AIF1L: variants seen among roughly 807,000 people sequenced by gnomAD.
The protein encoded by AIF1L is allograft inflammatory factor 1 like.
AIF1L carries 12 observed loss-of-function variants against 20.7 expected under a neutral mutation model. The observed-to-expected ratio is 0.58, with a 90% confidence interval of 0.37 to 0.94. The LOEUF (loss-of-function observed/expected upper bound fraction) is 0.94, where lower values mean the gene tolerates loss of function less well. Ranked by LOEUF, AIF1L falls within the 40% of genes least tolerant of loss-of-function variation. The pLI is 0.01. For missense variants in AIF1L, 173 were observed against 185.3 expected (o/e 0.93, Z 0.39); for synonymous variants, 76 against 65.1 (o/e 1.17, Z -0.81).
Position 131,120,510 on chromosome 9 carries a change from G to T in AIF1L, c.*188G>T. 1 of 538,392 alleles carries T rather than the reference G, an allele frequency of 1.9e-6. No individual in the cohort carries two copies. The highest frequency in any genetic ancestry group is 3.3e-5 in the East Asian group (1 of 30,468). The allele number at this position is 538,392 out of a possible 1,614,324, so 33.4% of individuals were successfully genotyped here. On this transcript the variant is annotated 3_prime_UTR_variant, in exon 6 of 6. Coordinates refer to ENST00000247291, the MANE Select transcript of AIF1L (RefSeq NM_031426.4). ...AAGGGGCTCTGGGTCGGGGAATCCT[G>T]AGCCTTGGGTCCCCTCCCTCTCTTC...
chr9:131,097,230 A>G (rs1040978076), intron 2 of AIF1L, among the ~76,000 whole-genome samples: 1 of 152,132 alleles, frequency 6.6e-6, no homozygotes, highest in African/African-American at 2.4e-5. Flanking sequence ...AGCTCAGAAC[A>G]CAGGCTCCGG....
chr9:131,106,843 G>A (rs1482426248), intron 2 of AIF1L, among the ~76,000 whole-genome samples: 2 of 150,904 alleles, frequency 1.3e-5, no homozygotes, highest in East Asian at 3.9e-4. Context: ...CGCCTGTGAT[G>A]CCAGGAATTT....
chr9:131,114,937 T>A (rs1830975063), intron 4 of AIF1L, among the ~76,000 whole-genome samples: 1 of 152,186 alleles, frequency 6.6e-6, no homozygotes, highest in South Asian at 2.1e-4. Flanking sequence ...GCCTCCTGGC[T>A]GGCATTTCAG....
rs1830540363 is a variant in AIF1L at position 131,096,872 on chromosome 9, C to T, written c.93+9C>T. On this transcript the variant is annotated intron_variant, in intron 2 of 5. Coordinates refer to ENST00000247291, the MANE Select transcript of AIF1L (RefSeq NM_031426.4). ...TGGCCGAGATCAACCGGGTAAGCCC[C>T]GCGCCCAGGGCAGCACGCGAGTCCC... 5 of 1,532,178 alleles carry T rather than the reference C, an allele frequency of 3.3e-6. No homozygotes were observed. The highest frequency in any genetic ancestry group is 1.2e-5 in the South Asian group (1 of 82,334). The allele number at this position is 1,532,178 out of a possible 1,614,324, so 94.9% of individuals were successfully genotyped here. A position where few individuals can be genotyped will look rare whatever the true frequency, so the allele number is the denominator to read the frequency against.
intron 3 of AIF1L, among the ~76,000 whole-genome samples, chr9:131,113,060 C>A (rs10123578): frequency 0.05 from 7,586 of 152,136 alleles, 618 homozygotes; most frequent in African/African-American, 0.17. Context: ...CCTGTGTTCT[C>A]GCTCGGGGGG....
In AIF1L at chr9:131,120,439, TTG is replaced by T; in HGVS notation, c.*121_*122del. The T allele has an allele frequency of 1.1e-6, 1 of 887,654 alleles. No individual in the cohort carries two copies. Among genetic ancestry groups the T allele is most frequent in the Non-Finnish European group, 1.7e-6 (1 of 592,116 alleles). The allele number at this position is 887,654 out of a possible 1,614,324, so 55.0% of individuals were successfully genotyped here. On this transcript the variant is annotated 3_prime_UTR_variant, in exon 6 of 6. Coordinates refer to ENST00000247291, the MANE Select transcript of AIF1L (RefSeq NM_031426.4). ...ATTTGTTTGGTCATTGAGGGTTTGT[TTG>T]TGTTTTCATCAATGTCTTTGTAAAG...
chr9:131,119,879 C>T (rs986574920), intron 5 of AIF1L, among the ~76,000 whole-genome samples: 6 of 152,188 alleles, frequency 3.9e-5, no homozygotes, highest in African/African-American at 1.2e-4. Flanking sequence ...AAGATCTTTG[C>T]GCAGAGGCGT....
Position 131,117,937 on chromosome 9 carries a change from C to T in AIF1L, c.365+19C>T, listed in dbSNP as rs1378832139. The T allele has an allele frequency of 2.5e-6, 4 of 1,591,548 alleles. No individual in the cohort carries two copies. In the South Asian group the frequency reaches 3.4e-5, roughly 14 times the overall value. Reference sequence around the variant, plus strand: ...TCAAGTTGTGAGTACCTCCTTCCTCCCTTGGGATCTCTGAAGGCAAAATCA... The same window carrying T: ...TCAAGTTGTGAGTACCTCCTTCCTCTCTTGGGATCTCTGAAGGCAAAATCA... On this transcript the variant is annotated intron_variant, in intron 5 of 5. Coordinates refer to ENST00000247291, the MANE Select transcript of AIF1L (RefSeq NM_031426.4).
rs963535693 is a variant in AIF1L, at chr9:131,120,543, C to T, written c.*221C>T. 6.1e-6 allele frequency: 3 copies of T among 494,752 alleles called. No homozygotes were observed. The highest frequency in any genetic ancestry group is 4.0e-5 in the African/African-American group (2 of 50,582). The allele number at this position is 494,752 out of a possible 1,614,324, so 30.6% of individuals were successfully genotyped here. A position where few individuals can be genotyped will look rare whatever the true frequency, so the allele number is the denominator to read the frequency against. On this transcript the variant is annotated 3_prime_UTR_variant, in exon 6 of 6. Coordinates refer to ENST00000247291, the MANE Select transcript of AIF1L (RefSeq NM_031426.4). Reference sequence around the variant, plus strand: ...GGTCCCCTCCCTCTCTTCTTCCCTCCTTCCCCGCTCCCTGTGCAGAAGGGC... The same window carrying T: ...GGTCCCCTCCCTCTCTTCTTCCCTCTTTCCCCGCTCCCTGTGCAGAAGGGC...
intron 2 of AIF1L, among the ~76,000 whole-genome samples, chr9:131,109,936 G>A (rs929125458): frequency 1.1e-4 from 16 of 151,754 alleles, no homozygotes; most frequent in Non-Finnish European, 1.9e-4. Flanking sequence ...CTGGCCGGGC[G>A]CCGTGGCTCA....
At chr9:131,101,504 G>A (rs931339548) in intron 2 of AIF1L, among the ~76,000 whole-genome samples, 1 of 151,766 alleles carries the variant, frequency 6.6e-6, no homozygotes, top group Non-Finnish European at 1.5e-5. Flanking sequence ...GCACCACCAC[G>A]CCAAGCTAAT....
At chr9:131,103,068 G>A (rs950288483) in intron 2 of AIF1L, 26 of 448,606 alleles carry the variant, frequency 5.8e-5, no homozygotes, top group Non-Finnish European at 8.6e-5. Context: ...GGCAGGGGCT[G>A]CCAGCTTCTG....
intron 4 of AIF1L, 127 bp downstream of exon 4, chr9:131,114,745 G>A: frequency 2.5e-6 from 3 of 1,221,998 alleles, no homozygotes; most frequent in Non-Finnish European, 3.6e-6. Context: ...CGCCGAGCCA[G>A]CCCCAGCCCC....
chr9:131,112,167 C>T lies in AIF1L; in HGVS notation c.160+504C>T, dbSNP rs541946516. On this transcript the variant is annotated intron_variant, in intron 3 of 5. Coordinates refer to ENST00000247291, the MANE Select transcript of AIF1L (RefSeq NM_031426.4). ...AGAAAGCAGGGCCTGGGAGCCGGCG[C>T]GGGGAGAGGGGCAGCATAAAGGTCC... 1.2e-4 allele frequency: 19 copies of T among 157,932 alleles called. No individual in the cohort carries two copies. In the South Asian group the frequency reaches 3.2e-3, roughly 27 times the overall value. 9.8% of individuals were successfully genotyped at this position (157,932 alleles called of 1,614,324 possible). A position where few individuals can be genotyped will look rare whatever the true frequency, so the allele number is the denominator to read the frequency against.
intron 2 of AIF1L, among the ~76,000 whole-genome samples, chr9:131,097,252 G>T (rs1333105954): frequency 6.6e-6 from 1 of 152,196 alleles, no homozygotes; most frequent in East Asian, 1.9e-4. Context: ...TCATTTGCTG[G>T]TCTGTCGCCC....
chr9:131,109,516 G>T (rs1017155705), intron 2 of AIF1L, among the ~76,000 whole-genome samples: 1 of 152,070 alleles, frequency 6.6e-6, no homozygotes, highest in Admixed American at 6.5e-5. Context: ...CCAACATTGC[G>T]CCACTGGACT....
In AIF1L at chr9:131,120,954, A is replaced by C; in HGVS notation, c.*632A>C. 1.9e-6 allele frequency: 1 copy of C among 514,430 alleles called. No homozygotes were observed. The highest frequency in any genetic ancestry group is 3.5e-6 in the Non-Finnish European group (1 of 282,810). 31.9% of individuals were successfully genotyped at this position (514,430 alleles called of 1,614,324 possible). On this transcript the variant is annotated 3_prime_UTR_variant, in exon 6 of 6. Transcript: ENST00000247291. ...GCCCTTCAAGAAGGTACCAGAAGGA[A>C]CCCTCCAGTCCTGCTCTCTGGCCAC...
intron 2 of AIF1L, 109 bp downstream of exon 2, chr9:131,096,972 C>A: frequency 8.0e-7 from 1 of 1,251,994 alleles, no homozygotes; most frequent in Non-Finnish European, 1.0e-6. Flanking sequence ...CTCTTCCTTC[C>A]CTTCCCCTGG....
rs117005071 is a variant in AIF1L at position 131,113,072 on chromosome 9, G to A, written c.160+1409G>A. 2.8e-4 allele frequency among the ~76,000 whole-genome samples: 42 copies of A among 152,212 alleles called. No individual in the cohort carries two copies. In the East Asian group the frequency reaches 7.4e-3, roughly 27 times the overall value. ...GAGCCTGTGTTCTCGCTCGGGGGGC[G>A]GTGTGAGAGGTGGTGGGAGACTAAA... On this transcript the variant is annotated intron_variant, in intron 3 of 5. Transcript: ENST00000247291.
Sources: gnomAD v4.1 joint callset for allele counts (sites outside exome capture counted in the v4.1 genomes callset) on GRCh38, gnomAD v4.1.1 for gene constraint, MANE v1.5 for transcripts, NCBI Gene and HGNC (gene_info 2026-07-23, HGNC 2026-07-21) for gene names.